TIAM2: variants seen among roughly 807,000 people sequenced by gnomAD.
TIAM2 encodes rho guanine nucleotide exchange factor TIAM2.
A neutral mutation model predicts 152.9 loss-of-function variants in TIAM2; 80 were observed. The ratio of observed to expected loss-of-function variants is 0.52; its 90% CI spans 0.44 to 0.63. The LOEUF (loss-of-function observed/expected upper bound fraction) is 0.63. Among genes scored for constraint, TIAM2 ranks in the 30% least tolerant of loss-of-function variants. The pLI is 0.00. For missense variants in TIAM2, 1,965 were observed against 2,120.1 expected (o/e 0.93, Z 1.44); for synonymous variants, 804 against 838.0 (o/e 0.96, Z 0.70).
intron 1 of TIAM2, among the ~76,000 whole-genome samples, chr6:155,050,507 T>C (rs1009035904): frequency 1.1e-4 from 17 of 152,212 alleles, no homozygotes; most frequent in Non-Finnish European, 2.9e-5. Flanking sequence ...GGATATAGAC[T>C]GAGACAATCC....
At chr6:155,164,142 T>TTTTTTG (rs1446074033) in intron 7 of TIAM2, among the ~76,000 whole-genome samples, 12 of 141,408 alleles carry the variant, frequency 8.5e-5, no homozygotes, top group Non-Finnish European at 1.6e-4. Context: ...TGTTTTTTTT[T>TTTTTTG]TTTCTTTTTT....
At chr6:155,101,967 G>A (rs997561034) in intron 2 of TIAM2, among the ~76,000 whole-genome samples, 1 of 151,986 alleles carries the variant, frequency 6.6e-6, no homozygotes, top group Non-Finnish European at 1.5e-5. Flanking sequence ...CTCCCAAAGT[G>A]CTGGGATTAC....
intron 1 of TIAM2, among the ~76,000 whole-genome samples, chr6:155,038,220 G>A (rs922414832): frequency 6.6e-6 from 1 of 152,168 alleles, no homozygotes; most frequent in African/African-American, 2.4e-5. Context: ...CTTCTCGCCC[G>A]TTATCCTTCA....
intron 7 of TIAM2, 98 bp from the exon 8 acceptor site, chr6:155,164,317 C>A: frequency 8.2e-7 from 1 of 1,214,826 alleles, no homozygotes; most frequent in Non-Finnish European, 1.1e-6. Flanking sequence ...CCAGCCGAAA[C>A]TAATTTTTTC....
chr6:155,247,808 T>C (rs1783422782), intron 19 of TIAM2, among the ~76,000 whole-genome samples, 192 bp from the exon 20 acceptor site: 1 of 152,212 alleles, frequency 6.6e-6, no homozygotes, highest in Non-Finnish European at 1.5e-5. Context: ...ACTCCAGGGC[T>C]CTGTCAGGGC....
At chr6:155,133,897 A>G (rs1779499564) in intron 4 of TIAM2, among the ~76,000 whole-genome samples, 6 of 151,994 alleles carry the variant, frequency 3.9e-5, no homozygotes, top group African/African-American at 1.5e-4. Context: ...TTGTGTTTTT[A>G]GTAGAGACGG....
rs1366659596 is a variant in TIAM2, at chr6:155,201,046, A to G, written c.3065-10158A>G. 2.0e-5 allele frequency among the ~76,000 whole-genome samples: 3 copies of G among 152,370 alleles called. No individual in the cohort carries two copies. In the East Asian group the frequency reaches 5.8e-4, roughly 29 times the overall value. On this transcript the variant is annotated intron_variant, in intron 14 of 26. Coordinates refer to ENST00000682666, the MANE Select transcript of TIAM2 (RefSeq NM_012454.4). Reference sequence around the variant, plus strand: ...GATTTGCCTATTCTGGGCATTTCATATAAAAATGAAAATACAATGTGTAAC... The same window carrying G: ...GATTTGCCTATTCTGGGCATTTCATGTAAAAATGAAAATACAATGTGTAAC...
intron 7 of TIAM2, among the ~76,000 whole-genome samples, chr6:155,162,115 G>C (rs1008359768): frequency 2.6e-5 from 4 of 151,782 alleles, no homozygotes; most frequent in African/African-American, 9.7e-5. Context: ...GCACCACCAT[G>C]CCTGGCTAAT....
At chr6:155,237,772 G>A (rs1384178070) in intron 15 of TIAM2, among the ~76,000 whole-genome samples, 1 of 152,172 alleles carries the variant, frequency 6.6e-6, no homozygotes, top group Admixed American at 6.5e-5. Flanking sequence ...GGGACTCAGG[G>A]CACCAATTCC....
At chr6:155,215,792 T>A (rs1014174277) in intron 15 of TIAM2, among the ~76,000 whole-genome samples, 1 of 151,616 alleles carries the variant, frequency 6.6e-6, no homozygotes, top group Non-Finnish European at 1.5e-5. Flanking sequence ...ATTTTTTTTT[T>A]ATTGTTTTAA....
At chr6:155,091,647 A>G (rs1382759353) in intron 2 of TIAM2, among the ~76,000 whole-genome samples, 1 of 152,230 alleles carries the variant, frequency 6.6e-6, no homozygotes, top group Non-Finnish European at 1.5e-5. Context: ...TATTAAAGCT[A>G]GAAATTTTGA....
In TIAM2 at chr6:155,200,433, C is replaced by T. The variant is rs138743303; in HGVS notation, c.3065-10771C>T. On this transcript the variant is annotated intron_variant, in intron 14 of 26. Transcript: ENST00000682666. ...TAATTTCTCTCCTGTAATATCTACC[C>T]TGACTTCCTTATCTTCTTTTTAAAA... Among the ~76,000 whole-genome samples, 545 of 152,314 alleles carry T rather than the reference C, an allele frequency of 3.6e-3. 3 individuals are homozygous for T. The highest frequency in any genetic ancestry group is 0.013 in the African/African-American group (524 of 41,572).
rs151029265 is a variant in TIAM2 at position 155,031,877 on chromosome 6, G to A, written c.-209+36385G>A. ...TTCTTACTTTTGGGTAGAATCAAAA[G>A]TAAGGAAAATTCTTGGGAACAAAAA... is the stretch of plus-strand genomic sequence containing the variant. On this transcript the variant is annotated intron_variant, in intron 1 of 26. Transcript: ENST00000682666. 7.4e-3 allele frequency among the ~76,000 whole-genome samples: 1,127 copies of A among 152,244 alleles called. 13 individuals carry two copies. Among genetic ancestry groups the A allele is most frequent in the African/African-American group, 0.026 (1,069 of 41,538 alleles).
chr6:155,251,188 G>A (rs370623759), intron 22 of TIAM2, among the ~76,000 whole-genome samples, 167 bp downstream of exon 22: 2 of 152,204 alleles, frequency 1.3e-5, no homozygotes, highest in Non-Finnish European at 2.9e-5. Context: ...CTCCGGCATC[G>A]CTCTGCATCC....
chr6:155,203,006 G>A (rs1253065899), intron 14 of TIAM2, among the ~76,000 whole-genome samples: 1 of 133,268 alleles, frequency 7.5e-6, no homozygotes, highest in Non-Finnish European at 1.5e-5. Context: ...CTGAGTTCAC[G>A]CCACTGCACT....
At chr6:155,036,244 G>T (rs1776919045) in intron 1 of TIAM2, among the ~76,000 whole-genome samples, 1 of 152,092 alleles carries the variant, frequency 6.6e-6, no homozygotes, top group Non-Finnish European at 1.5e-5. Context: ...TTTAAAAAGT[G>T]TGTTGAGGCC....
At position 155,186,139 on chromosome 6, in the gene TIAM2, CAAGAG is replaced by C. The variant is rs1781038666; in HGVS notation, c.3064+2643_3064+2647del. 6.6e-6 allele frequency among the ~76,000 whole-genome samples: 1 copy of C among 152,166 alleles called. No homozygotes were observed. Among genetic ancestry groups the C allele is most frequent in the Admixed American group, 6.5e-5 (1 of 15,274 alleles). Reference sequence around the variant, plus strand: ...TCATTCATATGCAACATCTGAATGACAAGAGAAGCCTGTGTTTGTGGAAACTCTGA... The same window carrying C: ...TCATTCATATGCAACATCTGAATGACAAGCCTGTGTTTGTGGAAACTCTGA... On this transcript the variant is annotated intron_variant, in intron 14 of 26. Coordinates refer to ENST00000682666, the MANE Select transcript of TIAM2 (RefSeq NM_012454.4). The surrounding 1 kb of genome is among the most constrained non-coding windows in gnomAD (Gnocchi z 4.5).
At chr6:155,148,475 G>A in intron 7 of TIAM2, 141 bp downstream of exon 7, 1 of 885,006 alleles carries the variant, frequency 1.1e-6, no homozygotes, top group African/African-American at 1.7e-5. Context: ...TAATTTCTGT[G>A]GTTTTTCATT....
At chr6:155,142,113 C>A (rs1344151162) in intron 5 of TIAM2, among the ~76,000 whole-genome samples, 1 of 151,974 alleles carries the variant, frequency 6.6e-6, no homozygotes, top group African/African-American at 2.4e-5. Context: ...GGTTGGGGGC[C>A]CCCAGCACCG....
Sources: allele counts gnomAD v4.1 joint callset (sites outside exome capture counted in the v4.1 genomes callset), GRCh38; gene constraint gnomAD v4.1.1; non-coding constraint Gnocchi (gnomAD v3.1); transcripts MANE v1.5; gene names NCBI Gene and HGNC (gene_info 2026-07-23, HGNC 2026-07-21).